The following NBEAL1 variants were observed in gnomAD, a reference collection of about 807,000 sequenced individuals.
The protein encoded by NBEAL1 is neurobeachin like 1, also known as neurobeachin-like protein 1.
In NBEAL1, 273 loss-of-function variants were observed where a neutral mutation model predicts 351.3. That is an observed-to-expected ratio of 0.78 (90% CI 0.70 to 0.86). NBEAL1 has a LOEUF of 0.86. Among genes scored for constraint, NBEAL1 ranks in the 40% least tolerant of loss-of-function variants. The pLI is 0.00. For synonymous variants in NBEAL1, 1,050 were observed against 1,086.4 expected (o/e 0.97, Z 0.66); for missense variants, 2,961 against 3,201.3 (o/e 0.92, Z 1.81).
chr2:203,017,785 T>C (rs2060705040), intron 2 of NBEAL1, among the ~76,000 whole-genome samples: 1 of 152,124 alleles, frequency 6.6e-6, no homozygotes, highest in African/African-American at 2.4e-5. Flanking sequence ...ACAGATAGTA[T>C]AGTTCATTGG....
Position 203,217,985 on chromosome 2 carries a change from G to A in NBEAL1, c.*631G>A, listed in dbSNP as rs2105865325. The A allele has an allele frequency of 1.1e-6, 1 of 877,294 alleles. No individual in the cohort carries two copies. Among genetic ancestry groups the A allele is most frequent in the Non-Finnish European group, 1.4e-6 (1 of 731,720 alleles). 54.3% of individuals were successfully genotyped at this position (877,294 alleles called of 1,614,324 possible). ...CTTAATAAAAATTGAGTAGAAAAAAGTGGAACTAGAGATACATTTTACAGA... is the reference window on the plus strand; with the variant it reads ...CTTAATAAAAATTGAGTAGAAAAAAATGGAACTAGAGATACATTTTACAGA... On this transcript the variant is annotated 3_prime_UTR_variant, in exon 56 of 56. Transcript: ENST00000683969.
chr2:203,097,777 T>C, intron 11 of NBEAL1, 144 bp downstream of exon 11: 1 of 195,776 alleles, frequency 5.1e-6, no homozygotes, highest in African/African-American at 2.4e-5. Flanking sequence ...TGAAAATTAC[T>C]AAAAAGTTAA....
chr2:203,174,418 T>G (rs1302601953), intron 41 of NBEAL1, among the ~76,000 whole-genome samples: 1 of 152,062 alleles, frequency 6.6e-6, no homozygotes, highest in Non-Finnish European at 1.5e-5. Flanking sequence ...GAACAATATA[T>G]GTAGCACTTT....
intron 7 of NBEAL1, among the ~76,000 whole-genome samples, chr2:203,075,320 A>G (rs1471332306): frequency 1.3e-5 from 2 of 152,156 alleles, no homozygotes; most frequent in Non-Finnish European, 2.9e-5. Flanking sequence ...TGCCTTGATT[A>G]TATTTCTTGC....
At position 203,127,885 on chromosome 2, in the gene NBEAL1, A is replaced by G. The variant is rs1227399009; in HGVS notation, c.3353A>G (p.Glu1118Gly). ...KYFLCKGGSH[E>G]EIQSIMGYIA... ...TTTCTGTGCAAAGGTGGATCTCATG[A>G]AGAGATACAAAGTATTATGGGGTAC... The change falls in exon 24 of 56, where the codon GAA becomes GGA. Residue 1118 changes from glutamate (E) to glycine (G), a missense_variant. Glu to Gly is a moderately conservative substitution (Grantham distance 98, BLOSUM62 -2). Transcript: ENST00000683969. 3.9e-6 allele frequency: 6 copies of G among 1,552,490 alleles called. No homozygotes were observed. The highest frequency in any genetic ancestry group is 5.2e-6 in the Non-Finnish European group (6 of 1,146,226).
Position 203,175,138 on chromosome 2 carries a change from T to C in NBEAL1, c.6324-9T>C, listed in dbSNP as rs533292199. The C allele has an allele frequency of 6.2e-7, 1 of 1,605,450 alleles. No homozygotes were observed. The highest frequency in any genetic ancestry group is 1.7e-5 in the Admixed American group (1 of 58,464). ...GTGGTTTTAAAACTTTAGGATTTTTTCCCCACAGATATGAAAATTTTGAGG... is the reference window on the plus strand; with the variant it reads ...GTGGTTTTAAAACTTTAGGATTTTTCCCCCACAGATATGAAAATTTTGAGG... On this transcript the variant is annotated splice_polypyrimidine_tract_variant and intron_variant, in intron 41 of 55. Coordinates refer to ENST00000683969, the MANE Select transcript of NBEAL1 (RefSeq NM_001378026.1).
intron 47 of NBEAL1, among the ~76,000 whole-genome samples, chr2:203,195,452 T>C (rs2065213543): frequency 6.6e-6 from 1 of 152,148 alleles, no homozygotes; most frequent in South Asian, 2.1e-4. Flanking sequence ...CTAAGTTAGT[T>C]GCATAGAACT....
chr2:203,113,267 A>G lies in NBEAL1; in HGVS notation c.2455A>G (p.Ile819Val). The G allele has an allele frequency of 6.7e-7, 1 of 1,486,400 alleles. No individual in the cohort carries two copies. The highest frequency in any genetic ancestry group is 9.0e-7 in the Non-Finnish European group (1 of 1,116,744). The allele number at this position is 1,486,400 out of a possible 1,614,324, so 92.1% of individuals were successfully genotyped here. Reference sequence around the variant, plus strand: ...GGAGGGTCAGCTAGGATCTGTTATCATCTTTTATGAACCACTACAACCTCC... The same window carrying G: ...GGAGGGTCAGCTAGGATCTGTTATCGTCTTTTATGAACCACTACAACCTCC... The part of the protein sequence containing the change: ...SLEGQLGSVI[I>V]FYEPLQPPQV... The change falls in exon 17 of 56, where the codon ATC (isoleucine) becomes GTC (valine). Residue 819 changes from isoleucine (I) to valine (V), a missense_variant. Coordinates refer to ENST00000683969, the MANE Select transcript of NBEAL1 (RefSeq NM_001378026.1).
At chr2:203,033,368 T>C (rs1204203014) in intron 2 of NBEAL1, among the ~76,000 whole-genome samples, 2 of 152,234 alleles carry the variant, frequency 1.3e-5, no homozygotes, top group Non-Finnish European at 2.9e-5. Context: ...GTGGGAAATA[T>C]ACATATATCA....
At chr2:203,187,601 C>T (rs1328006537) in intron 44 of NBEAL1, among the ~76,000 whole-genome samples, 3 of 151,326 alleles carry the variant, frequency 2.0e-5, no homozygotes, top group South Asian at 4.2e-4. Context: ...ATTAGCTGGG[C>T]GTGGTGGCAG....
intron 55 of NBEAL1, among the ~76,000 whole-genome samples, chr2:203,214,536 G>T (rs1336209710): frequency 6.6e-6 from 1 of 151,932 alleles, no homozygotes; most frequent in African/African-American, 2.4e-5. Context: ...GCACTTTGGG[G>T]GACCGAGACG....
chr2:203,122,446 T>G, intron 19 of NBEAL1, 103 bp downstream of exon 19: 1 of 703,932 alleles, frequency 1.4e-6, no homozygotes, highest in Admixed American at 3.1e-5. Flanking sequence ...AAATAATAGG[T>G]CTCAGTTAAA....
At chr2:203,083,618 G>A (rs1449536818) in intron 9 of NBEAL1, 93 bp downstream of exon 9, 5 of 984,778 alleles carry the variant, frequency 5.1e-6, no homozygotes, top group Non-Finnish European at 5.9e-6. Flanking sequence ...TGTATGGAAA[G>A]TATTGATTGT....
At chr2:203,180,020 C>T (rs985563641) in intron 42 of NBEAL1, among the ~76,000 whole-genome samples, 3 of 152,100 alleles carry the variant, frequency 2.0e-5, no homozygotes, top group Admixed American at 6.6e-5. Context: ...GTAATCCACC[C>T]ACCTCAGCCT....
chr2:203,042,781 T>C (rs2061164514), intron 3 of NBEAL1, among the ~76,000 whole-genome samples: 3 of 151,920 alleles, frequency 2.0e-5, no homozygotes, highest in African/African-American at 7.3e-5. Context: ...AGAGACAGGG[T>C]TTCACCATGT....
chr2:203,170,771 ACTTTATT>A (rs1230478518), intron 39 of NBEAL1, among the ~76,000 whole-genome samples: 3 of 152,234 alleles, frequency 2.0e-5, no homozygotes, highest in African/African-American at 7.2e-5. Context: ...TCTGCAATAA[ACTTTATT>A]CTTTAAGTGC....
chr2:203,148,470 TG>T (rs1217674298), intron 33 of NBEAL1, among the ~76,000 whole-genome samples: 1 of 152,136 alleles, frequency 6.6e-6, no homozygotes, highest in Non-Finnish European at 1.5e-5. Context: ...AAATTAATGC[TG>T]TCATTTTAGT....
chr2:203,113,180 T>C lies in NBEAL1; in HGVS notation c.2368T>C (p.Leu790=). Residue 790 remains leucine, a synonymous_variant, in exon 17 of 56, where the codon TTG becomes CTG. Transcript: ENST00000683969. ...GGGAGGAACAATTGAAAAATCAAAATTGATTACCAAATTGATATCAGCTGG... is the reference window on the plus strand; with the variant it reads ...GGGAGGAACAATTGAAAAATCAAAACTGATTACCAAATTGATATCAGCTGG... ...SWGGTIEKSK[L]ITKLISAGTQ... 6.4e-7 allele frequency: 1 copy of C among 1,551,962 alleles called. No individual in the cohort carries two copies. The highest frequency in any genetic ancestry group is 8.7e-7 in the Non-Finnish European group (1 of 1,146,968).
chr2:203,202,933 A>T, intron 51 of NBEAL1, 152 bp downstream of exon 51: 2 of 574,170 alleles, frequency 3.5e-6, no homozygotes, highest in South Asian at 4.5e-5. Context: ...TCAAATCACC[A>T]CATTTTTTCC....
Sources: allele counts gnomAD v4.1 joint callset (sites outside exome capture counted in the v4.1 genomes callset), GRCh38; gene constraint gnomAD v4.1.1; transcripts MANE v1.5; gene names NCBI Gene and HGNC (gene_info 2026-07-23, HGNC 2026-07-21).